The following SPTLC3 variants were observed in gnomAD, a reference collection of about 807,000 sequenced individuals.
The protein encoded by SPTLC3 is serine palmitoyltransferase long chain base subunit 3.
Under a neutral mutation model 59.3 loss-of-function variants are expected in SPTLC3, and 36 were observed. The ratio of observed to expected loss-of-function variants is 0.61; its 90% CI spans 0.47 to 0.80. The LOEUF is 0.80. Among genes scored for constraint, SPTLC3 ranks in the 30% least tolerant of loss-of-function variants. The probability of loss-of-function intolerance (pLI) is 0.00; values close to 1 mark genes in which losing one functional copy is unlikely to be tolerated. For synonymous variants in SPTLC3, 257 were observed against 240.8 expected (o/e 1.07, Z -0.62); for missense variants, 625 against 685.1 (o/e 0.91, Z 0.98).
chr20:13,105,958 AAAG>A (rs1417677696), intron 6 of SPTLC3, among the ~76,000 whole-genome samples: 2 of 152,232 alleles, frequency 1.3e-5, no homozygotes, highest in Admixed American at 6.5e-5. Context: ...GCAAAAGTGA[AAAG>A]AAGATACCCA....
chr20:13,121,668 G>A (rs1470516963), intron 8 of SPTLC3, among the ~76,000 whole-genome samples: 2 of 152,110 alleles, frequency 1.3e-5, no homozygotes, highest in African/African-American at 4.8e-5. Flanking sequence ...AGCACCCAAT[G>A]GGGGAACGAG....
At chr20:13,046,846 C>A (rs112952795) in intron 1 of SPTLC3, among the ~76,000 whole-genome samples, 130 of 152,290 alleles carry the variant, frequency 8.5e-4, no homozygotes, top group African/African-American at 3.0e-3. Context: ...AGGCATGCAA[C>A]AAATGCCCTA....
intron 2 of SPTLC3, among the ~76,000 whole-genome samples, chr20:13,065,643 T>G (rs2122550206): frequency 6.6e-6 from 1 of 152,182 alleles, no homozygotes; most frequent in South Asian, 2.1e-4. Flanking sequence ...ATATTTATAC[T>G]GATTCCTGCC....
intron 3 of SPTLC3, chr20:13,074,140 G>C (rs561739997): frequency 4.1e-6 from 3 of 735,122 alleles, no homozygotes; most frequent in Non-Finnish European, 5.0e-6. Context: ...GGCTGAGGGG[G>C]TCTGGATCCT....
intron 1 of SPTLC3, among the ~76,000 whole-genome samples, chr20:13,028,585 A>T (rs1235396014): frequency 1.3e-5 from 2 of 152,196 alleles, no homozygotes; most frequent in South Asian, 2.1e-4. Flanking sequence ...ACACATATAT[A>T]TCATTTTTAA....
At chr20:13,127,817 T>A (rs549201090) in intron 9 of SPTLC3, among the ~76,000 whole-genome samples, 1 of 152,168 alleles carries the variant, frequency 6.6e-6, no homozygotes. Flanking sequence ...GATTGGCTGA[T>A]CTCTAGGATC....
At position 13,166,503 on chromosome 20, in the gene SPTLC3, C is replaced by T. The variant is rs1265821566; in HGVS notation, c.*1636C>T. ...GAAGTGGGTTCTGAAAATGCAGTTTCCCATCCAATGATTTTGATAACAAAA... is the reference window on the plus strand; with the variant it reads ...GAAGTGGGTTCTGAAAATGCAGTTTTCCATCCAATGATTTTGATAACAAAA... On this transcript the variant is annotated 3_prime_UTR_variant, in exon 12 of 12. Transcript: ENST00000399002. 2.0e-5 allele frequency: 3 copies of T among 152,154 alleles called. No individual in the cohort carries two copies. Among genetic ancestry groups the T allele is most frequent in the Admixed American group, 1.3e-4 (2 of 15,276 alleles). 9.4% of individuals were successfully genotyped at this position (152,154 alleles called of 1,614,324 possible).
rs2039013002 is a variant in SPTLC3 at position 13,168,532 on chromosome 20, A to T, written c.*3665A>T. On this transcript the variant is annotated 3_prime_UTR_variant, in exon 12 of 12. Coordinates refer to ENST00000399002, the MANE Select transcript of SPTLC3 (RefSeq NM_018327.4). The stretch of plus-strand genomic sequence containing the variant: ...TTCTTTTCCTGCTCTTTAAAAAACA[A>T]CCTTCAACCTCTGATTATTTATTCC... The T allele has an allele frequency of 6.6e-6, 1 of 152,152 alleles. No homozygotes were observed. Among genetic ancestry groups the T allele is most frequent in the South Asian group, 2.1e-4 (1 of 4,826 alleles). The allele number at this position is 152,152 out of a possible 1,614,324, so 9.4% of individuals were successfully genotyped here.
chr20:13,153,198 C>A (rs547519728), intron 9 of SPTLC3, among the ~76,000 whole-genome samples: 4 of 152,308 alleles, frequency 2.6e-5, no homozygotes, highest in Non-Finnish European at 5.9e-5. Flanking sequence ...TGAAGCAGGA[C>A]CCGAGTAGAC....
chr20:13,030,564 C>T (rs1986388463), intron 1 of SPTLC3, among the ~76,000 whole-genome samples: 1 of 152,158 alleles, frequency 6.6e-6, no homozygotes, highest in Non-Finnish European at 1.5e-5. Flanking sequence ...TGCATCACCT[C>T]CTCAGCCTAT....
At chr20:13,140,589 T>C (rs2038358076) in intron 9 of SPTLC3, among the ~76,000 whole-genome samples, 2 of 152,210 alleles carry the variant, frequency 1.3e-5, no homozygotes, top group South Asian at 2.1e-4. Flanking sequence ...GCTTCTGTTA[T>C]GTCTAGATGG....
At chr20:13,147,067 C>A (rs1008567763) in intron 9 of SPTLC3, among the ~76,000 whole-genome samples, 1 of 152,154 alleles carries the variant, frequency 6.6e-6, no homozygotes, top group Non-Finnish European at 1.5e-5. Context: ...GAGGTGGAGG[C>A]AGGGTGTTTT....
In SPTLC3 at chr20:13,163,276, G is replaced by A. The variant is rs933246449; in HGVS notation, c.1546-1478G>A. On this transcript the variant is annotated intron_variant, in intron 11 of 11. Coordinates refer to ENST00000399002, the MANE Select transcript of SPTLC3 (RefSeq NM_018327.4). ...CCAGCTACTCGAACTGCTGAGGCAG[G>A]AGAATCACTTGAACCCGGGAGGCGG... is the stretch of plus-strand genomic sequence containing the variant. Among the ~76,000 whole-genome samples the A allele has an allele frequency of 2.0e-5, 3 of 150,036 alleles. No homozygotes were observed. The Admixed American group carries it at 2.0e-4, about 10-fold the overall frequency.
At chr20:13,160,748 G>A (rs2038879878) in intron 11 of SPTLC3, among the ~76,000 whole-genome samples, 1 of 152,148 alleles carries the variant, frequency 6.6e-6, no homozygotes, top group Non-Finnish European at 1.5e-5. Flanking sequence ...GTGCAAACTT[G>A]GGGCAAAAAG....
Position 13,033,829 on chromosome 20 carries a change from A to C in SPTLC3, c.118-15116A>C, listed in dbSNP as rs142776267. On this transcript the variant is annotated intron_variant, in intron 1 of 11. Transcript: ENST00000399002. ...AGGTGGTGAGTGTAATGATGGTGTT[A>C]TGCAGTGAGAACATCCAGCCTGGTG... Among the ~76,000 whole-genome samples, 180 of 152,288 alleles carry C rather than the reference A, an allele frequency of 1.2e-3. 2 individuals are homozygous for C. The highest frequency in any genetic ancestry group is 4.2e-3 in the African/African-American group (174 of 41,562).
intron 11 of SPTLC3, 78 bp downstream of exon 11, chr20:13,160,210 G>T: frequency 6.8e-7 from 1 of 1,471,126 alleles, no homozygotes; most frequent in South Asian, 1.5e-5. Context: ...GAGACAGCTT[G>T]GGGTTCTCTG....
intron 9 of SPTLC3, among the ~76,000 whole-genome samples, chr20:13,136,569 C>A (rs1156605974): frequency 6.6e-6 from 1 of 150,650 alleles, no homozygotes; most frequent in Non-Finnish European, 1.5e-5. Context: ...CACTGCACTC[C>A]AGCCTGGGCA....
At chr20:13,118,933 A>C (rs892375202) in intron 8 of SPTLC3, among the ~76,000 whole-genome samples, 3 of 152,244 alleles carry the variant, frequency 2.0e-5, no homozygotes, top group Admixed American at 2.0e-4. Context: ...ACCCTTCAAT[A>C]AGCACTGCTT....
At chr20:13,159,207 T>C (rs1460751659) in intron 10 of SPTLC3, among the ~76,000 whole-genome samples, 4 of 152,180 alleles carry the variant, frequency 2.6e-5, no homozygotes, top group African/African-American at 9.7e-5. Context: ...GAATCATAGC[T>C]TATGAAGGTT....
Sources: gnomAD v4.1 joint callset for allele counts (sites outside exome capture counted in the v4.1 genomes callset) on GRCh38, gnomAD v4.1.1 for gene constraint, MANE v1.5 for transcripts, NCBI Gene and HGNC (gene_info 2026-07-23, HGNC 2026-07-21) for gene names.